Variants in C4orf51 observed in about 807,000 individuals in gnomAD.
C4orf51 encodes the protein chromosome 4 open reading frame 51.
C4orf51 carries 25 observed loss-of-function variants against 25.2 expected under a neutral mutation model. That is an observed-to-expected ratio of 0.99 (90% CI 0.72 to 1.39). The LOEUF (loss-of-function observed/expected upper bound fraction) is 1.39, where lower values mean the gene tolerates loss of function less well. Ranked by LOEUF, C4orf51 falls within the 40% of genes most tolerant of loss-of-function variation. The probability of loss-of-function intolerance (pLI) is 0.00; values close to 1 mark genes in which losing one functional copy is unlikely to be tolerated. For synonymous variants in C4orf51, 100 were observed against 84.5 expected (o/e 1.18, Z -1.01); for missense variants, 252 against 239.6 (o/e 1.05, Z -0.34).
In C4orf51 at chr4:145,732,751, A is replaced by T; in HGVS notation, c.*191A>T. On this transcript the variant is annotated 3_prime_UTR_variant, in exon 6 of 6. Coordinates refer to ENST00000438731, the MANE Select transcript of C4orf51 (RefSeq NM_001080531.3). ...TTTTCCCTTTTTAATTGGTGGAGAG[A>T]GACAAAAGTTTTTATAATCTTTATT... is the stretch of plus-strand genomic sequence containing the variant. 2.2e-6 allele frequency: 1 copy of T among 452,700 alleles called. No individual in the cohort carries two copies. Among genetic ancestry groups the T allele is most frequent in the Non-Finnish European group, 3.9e-6 (1 of 256,776 alleles). 28.0% of individuals were successfully genotyped at this position (452,700 alleles called of 1,614,324 possible). A position where few individuals can be genotyped will look rare whatever the true frequency, so the allele number is the denominator to read the frequency against.
At chr4:145,706,236 C>T (rs192153492) in intron 2 of C4orf51, among the ~76,000 whole-genome samples, 11 of 152,258 alleles carry the variant, frequency 7.2e-5, no homozygotes, top group East Asian at 1.9e-4. Context: ...TTATACTTGG[C>T]GTGGTTATTT....
At chr4:145,681,296 G>A (rs930903296) in intron 1 of C4orf51, among the ~76,000 whole-genome samples, 2 of 152,164 alleles carry the variant, frequency 1.3e-5, no homozygotes, top group African/African-American at 4.8e-5. Context: ...CTTCAGATAA[G>A]AGCAATAACC....
At chr4:145,685,914 T>G (rs1476910306) in intron 1 of C4orf51, among the ~76,000 whole-genome samples, 1 of 151,982 alleles carries the variant, frequency 6.6e-6, no homozygotes, top group Non-Finnish European at 1.5e-5. Context: ...GAGTAAAAAT[T>G]AAATCACAAT....
chr4:145,758,359 C>T (rs1054828028), downstream of C4orf51: 1 of 152,182 alleles, frequency 6.6e-6, no homozygotes, highest in Non-Finnish European at 1.5e-5. Context: ...CCTAGACCTC[C>T]TATTGCACAA....
chr4:145,766,747 G>C (rs1038654450), intron 1 of C4orf51, among the ~76,000 whole-genome samples: 8 of 152,182 alleles, frequency 5.3e-5, no homozygotes, highest in African/African-American at 1.9e-4. Flanking sequence ...TTAGAGAACA[G>C]TGCCCGGCAC....
chr4:145,697,988 C>T (rs1730179870), intron 2 of C4orf51, among the ~76,000 whole-genome samples: 1 of 152,124 alleles, frequency 6.6e-6, no homozygotes, highest in Non-Finnish European at 1.5e-5. Flanking sequence ...TTTGATAACA[C>T]TTATTTTTTA....
At chr4:145,727,423 A>G (rs895559689) in intron 3 of C4orf51, among the ~76,000 whole-genome samples, 11 of 152,280 alleles carry the variant, frequency 7.2e-5, no homozygotes, top group African/African-American at 2.6e-4. Context: ...ATGCATACAC[A>G]CAGTATATTG....
At chr4:145,733,111 C>T (rs945972749), downstream of C4orf51, among the ~76,000 whole-genome samples, 1 of 152,108 alleles carries the variant, frequency 6.6e-6, no homozygotes, top group East Asian at 1.9e-4. Flanking sequence ...CCGGCTCCCT[C>T]GGTAGGCTGC....
At chr4:145,776,355 G>A in the C4orf51 span, among the ~76,000 whole-genome samples, 1 of 152,004 alleles carries the variant, frequency 6.6e-6, no homozygotes, top group Non-Finnish European at 1.5e-5. Flanking sequence ...CAGCTACTTG[G>A]GAGGAGGAGG....
At chr4:145,685,916 A>T (rs1729127989) in intron 1 of C4orf51, among the ~76,000 whole-genome samples, 1 of 152,178 alleles carries the variant, frequency 6.6e-6, no homozygotes, top group African/African-American at 2.4e-5. Context: ...GTAAAAATTA[A>T]ATCACAATGA....
intron 1 of C4orf51, chr4:145,764,907 T>A (rs923492419): frequency 6.9e-6 from 11 of 1,601,754 alleles, no homozygotes; most frequent in Non-Finnish European, 8.5e-6. Context: ...CCCAAAACCT[T>A]CACGGGAAGG....
chr4:145,688,071 T>C (rs1350761215), intron 1 of C4orf51, among the ~76,000 whole-genome samples: 5 of 151,678 alleles, frequency 3.3e-5, no homozygotes, highest in Non-Finnish European at 7.4e-5. Context: ...GGTGGTGGTA[T>C]ATGCCTGTGG....
intron 1 of C4orf51, among the ~76,000 whole-genome samples, chr4:145,745,104 G>T (rs1733299146): frequency 6.6e-6 from 1 of 152,224 alleles, no homozygotes; most frequent in Non-Finnish European, 1.5e-5. Context: ...TACATAGTAG[G>T]TATATATACT....
intron 1 of C4orf51, among the ~76,000 whole-genome samples, chr4:145,739,062 A>G (rs910453302): frequency 1.3e-5 from 2 of 152,348 alleles, no homozygotes; most frequent in Admixed American, 1.3e-4. Context: ...ATTCTTTTAC[A>G]GAATGAGATG....
intron 2 of C4orf51, among the ~76,000 whole-genome samples, chr4:145,704,021 T>C (rs1730636035): frequency 6.6e-6 from 1 of 152,168 alleles, no homozygotes; most frequent in Non-Finnish European, 1.5e-5. Context: ...GAAACGTGTA[T>C]ATTATCCTGA....
chr4:145,750,187 T>G (rs1442577041), intron 1 of C4orf51, among the ~76,000 whole-genome samples: 3 of 151,950 alleles, frequency 2.0e-5, no homozygotes, highest in East Asian at 1.9e-4. Flanking sequence ...TAATATGCTG[T>G]TTTTTTTCTG....
intron 1 of C4orf51, among the ~76,000 whole-genome samples, chr4:145,686,078 C>T (rs1028490978): frequency 2.6e-5 from 4 of 152,106 alleles, no homozygotes; most frequent in African/African-American, 9.7e-5. Context: ...GAATATTATT[C>T]GGCCTTAAAA....
chr4:145,703,172 C>A (rs528146419), intron 2 of C4orf51, among the ~76,000 whole-genome samples: 1 of 151,432 alleles, frequency 6.6e-6, no homozygotes, highest in South Asian at 2.1e-4. Context: ...CCTGCCCCAC[C>A]TTAACTGATG....
At chr4:145,773,237 A>AGGTGAGCTAATGTAAC (rs1736554835), downstream of C4orf51, among the ~76,000 whole-genome samples, 1 of 152,214 alleles carries the variant, frequency 6.6e-6, no homozygotes, top group African/African-American at 2.4e-5. Flanking sequence ...CCTGCTGCCC[A>AGGTGAGCTAATGTAAC]CAGGCTAATG....
Sources: allele counts gnomAD v4.1 joint callset (sites outside exome capture counted in the v4.1 genomes callset), GRCh38; gene constraint gnomAD v4.1.1; transcripts MANE v1.5; gene names NCBI Gene and HGNC (gene_info 2026-07-23, HGNC 2026-07-21).